ANO1: variants seen among roughly 807,000 people sequenced by gnomAD.
ANO1 encodes the protein anoctamin-1.
Under a neutral mutation model 124.0 loss-of-function variants are expected in ANO1, and 59 were observed. That is an observed-to-expected ratio of 0.48 (90% CI 0.39 to 0.59). ANO1 has a LOEUF of 0.59. Among genes scored for constraint, ANO1 ranks in the 20% least tolerant of loss-of-function variants. The pLI is 0.00. For missense variants in ANO1, 1,059 were observed against 1,328.0 expected, an observed-to-expected ratio of 0.80 and a Z score of 3.15; for synonymous variants, 529 against 532.0, an observed-to-expected ratio of 0.99 and a Z score of 0.08.
chr11:70,002,587 G>A (rs1405319231), intron 1 of ANO1, among the ~76,000 whole-genome samples: 2 of 152,162 alleles, frequency 1.3e-5, no homozygotes, highest in African/African-American at 2.4e-5. Flanking sequence ...CTAGCTGTGC[G>A]GTGGCTACGT....
At chr11:70,007,835 G>C (rs567299636) in intron 1 of ANO1, among the ~76,000 whole-genome samples, 1 of 152,184 alleles carries the variant, frequency 6.6e-6, no homozygotes, top group African/African-American at 2.4e-5. Flanking sequence ...TTCCACTGCA[G>C]TGACATTACT....
chr11:70,155,678 C>A (rs972100119), intron 14 of ANO1, among the ~76,000 whole-genome samples: 7 of 152,208 alleles, frequency 4.6e-5, no homozygotes, highest in Non-Finnish European at 8.8e-5. Flanking sequence ...GTGCTGGAGT[C>A]TCTCCCGTCT....
intron 2 of ANO1, among the ~76,000 whole-genome samples, chr11:70,100,259 G>A (rs991656332): frequency 6.6e-6 from 1 of 152,186 alleles, no homozygotes; most frequent in South Asian, 2.1e-4. Context: ...GGTGGCCCCC[G>A]ATCCACATGC....
At chr11:69,976,850 C>T in the ANO1 span, among the ~76,000 whole-genome samples, 7 of 152,224 alleles carry the variant, frequency 4.6e-5, no homozygotes, top group South Asian at 4.1e-4. Context: ...AATTACATGA[C>T]GGCTAAGAAT....
chr11:70,159,178 CA>C (rs1476448021), intron 16 of ANO1, among the ~76,000 whole-genome samples: 1 of 152,148 alleles, frequency 6.6e-6, no homozygotes. Flanking sequence ...CTCTTGGTCA[CA>C]ACATGGCTGC....
intron 11 of ANO1, chr11:70,149,502 T>G: frequency 1.9e-6 from 1 of 529,508 alleles, no homozygotes; most frequent in Admixed American, 3.2e-5. Flanking sequence ...AATACAAAGA[T>G]TAGCTGGGTG....
At chr11:70,035,520 CTATA>C (rs34200982) in intron 1 of ANO1, among the ~76,000 whole-genome samples, 1 of 147,680 alleles carries the variant, frequency 6.8e-6, no homozygotes, top group African/African-American at 2.5e-5. Context: ...TAAGCTGTTG[CTATA>C]TATATATATA....
chr11:70,042,846 T>G (rs553654407), intron 1 of ANO1, among the ~76,000 whole-genome samples: 146 of 152,272 alleles, frequency 9.6e-4, no homozygotes, highest in Middle Eastern at 3.4e-3. Flanking sequence ...CTGAATGGAT[T>G]CGATGGATTC....
At chr11:70,027,596 C>T (rs1856930347) in intron 1 of ANO1, among the ~76,000 whole-genome samples, 12 of 152,226 alleles carry the variant, frequency 7.9e-5, no homozygotes, top group Admixed American at 7.8e-4. Context: ...TTTCCCCCAG[C>T]ATGTGGAACA....
chr11:70,153,986 G>C (rs1194348636), intron 14 of ANO1, among the ~76,000 whole-genome samples: 2 of 151,908 alleles, frequency 1.3e-5, no homozygotes, highest in African/African-American at 4.8e-5. Flanking sequence ...GGCTGGTCTC[G>C]AACTCCTGAC....
chr11:70,153,471 C>A (rs1398798589), intron 14 of ANO1, among the ~76,000 whole-genome samples: 1 of 152,328 alleles, frequency 6.6e-6, no homozygotes, highest in African/African-American at 2.4e-5. Context: ...ACCACAGGAA[C>A]CACGTGGCTT....
rs1189007051 is a variant in ANO1, at chr11:70,171,050, C to A, written c.2350+11C>A. The A allele has an allele frequency of 1.2e-6, 2 of 1,609,882 alleles. No individual in the cohort carries two copies. Among genetic ancestry groups the A allele is most frequent in the South Asian group, 1.1e-5 (1 of 90,354 alleles). The stretch of plus-strand genomic sequence containing the variant: ...GAGCCAAAGACATCGGTGAGTGACC[C>A]CACGGGCCGGCAGAACCGGTTCCGA... On this transcript the variant is annotated intron_variant, in intron 22 of 25. Coordinates refer to ENST00000355303, the MANE Select transcript of ANO1 (RefSeq NM_018043.7).
intron 1 of ANO1, chr11:70,020,956 T>G (rs1340284326): frequency 6.6e-6 from 1 of 152,272 alleles, no homozygotes; most frequent in Non-Finnish European, 1.5e-5. Context: ...TAACTGCTAC[T>G]TACCGAGAGG....
At chr11:70,135,777 C>T (rs1055817564) in intron 11 of ANO1, among the ~76,000 whole-genome samples, 1 of 152,208 alleles carries the variant, frequency 6.6e-6, no homozygotes, top group Non-Finnish European at 1.5e-5. Context: ...AGAAAGAAGC[C>T]GTCTTGGGCT....
chr11:70,070,012 ATGACT>A (rs1260018738), intron 1 of ANO1, among the ~76,000 whole-genome samples: 4 of 152,210 alleles, frequency 2.6e-5, no homozygotes, highest in African/African-American at 9.6e-5. Context: ...AGGGATTGAA[ATGACT>A]TAATTAATTT....
At chr11:69,979,308 A>G in the ANO1 span, among the ~76,000 whole-genome samples, 15,073 of 152,224 alleles carry the variant, frequency 0.099, 1,002 homozygotes, top group Admixed American at 0.15. Context: ...CCAATTCCAA[A>G]TTCCAGAGAG....
chr11:70,061,117 G>T (rs1857564391), intron 1 of ANO1, among the ~76,000 whole-genome samples: 1 of 152,136 alleles, frequency 6.6e-6, no homozygotes, highest in Admixed American at 6.5e-5. Context: ...CAGGAAGGGT[G>T]CATGTATGCT....
At chr11:70,006,387 A>G (rs1413088059) in intron 1 of ANO1, among the ~76,000 whole-genome samples, 2 of 151,832 alleles carry the variant, frequency 1.3e-5, no homozygotes, top group East Asian at 3.9e-4. Flanking sequence ...CTGTAAGCAA[A>G]TTTGCAAGTC....
intron 22 of ANO1, among the ~76,000 whole-genome samples, chr11:70,177,594 C>CTTTTTTTTTTTTTTTTTTTTTTTTT (rs57647858): frequency 1.1e-4 from 9 of 78,930 alleles, no homozygotes; most frequent in East Asian, 4.1e-4. Flanking sequence ...TTTTTTTTTT[C>CTTTTTTTTTTTTTTTTTTTTTTTTT]TTTTTTTTTT....
Sources: allele counts gnomAD v4.1 joint callset (sites outside exome capture counted in the v4.1 genomes callset), GRCh38; gene constraint gnomAD v4.1.1; transcripts MANE v1.5; gene names NCBI Gene and HGNC (gene_info 2026-07-23, HGNC 2026-07-21).